The following PTPRD variants were observed in gnomAD, a reference collection of about 807,000 sequenced individuals.
The protein encoded by PTPRD is protein tyrosine phosphatase receptor type D.
A neutral mutation model predicts 214.5 loss-of-function variants in PTPRD; 34 were observed. The observed-to-expected ratio is 0.16, with a 90% confidence interval of 0.12 to 0.21. The LOEUF is 0.21. Ranked by LOEUF, PTPRD falls within the 10% of genes least tolerant of loss-of-function variation. The probability of loss-of-function intolerance (pLI) is 1.00; values close to 1 mark genes in which losing one functional copy is unlikely to be tolerated. For synonymous variants in PTPRD, 1,128 were observed against 845.7 expected (o/e 1.33, Z -5.79); for missense variants, 2,545 against 2,398.7 (o/e 1.06, Z -1.27).
At chr9:8,701,114 T>C (rs1287956739) in intron 12 of PTPRD, among the ~76,000 whole-genome samples, 1 of 151,734 alleles carries the variant, frequency 6.6e-6, no homozygotes, top group African/African-American at 2.4e-5. Context: ...TGAGCCAAGA[T>C]CATGCCACTG....
intron 8 of PTPRD, among the ~76,000 whole-genome samples, chr9:9,421,274 T>C (rs1392502409): frequency 7.1e-6 from 1 of 141,196 alleles, no homozygotes; most frequent in Non-Finnish European, 1.5e-5. Context: ...GTAATAGTAC[T>C]GTCTTTGTGA....
chr9:10,184,681 A>G (rs1257120875), intron 3 of PTPRD, among the ~76,000 whole-genome samples: 4 of 152,172 alleles, frequency 2.6e-5, no homozygotes, highest in South Asian at 2.1e-4. Context: ...TCCTTCCCCC[A>G]GTTTCTTTGC....
chr9:8,933,578 T>G (rs926019868), intron 11 of PTPRD, among the ~76,000 whole-genome samples: 1 of 152,028 alleles, frequency 6.6e-6, no homozygotes. Context: ...TTCAGTGAGC[T>G]AATGGATACT....
At chr9:8,691,442 C>G (rs1217291350) in intron 12 of PTPRD, among the ~76,000 whole-genome samples, 1 of 150,654 alleles carries the variant, frequency 6.6e-6, no homozygotes, top group Non-Finnish European at 1.5e-5. Flanking sequence ...ATAGTAATGT[C>G]TGTTTTGAAC....
At chr9:8,429,844 C>T (rs758962612) in intron 35 of PTPRD, among the ~76,000 whole-genome samples, 14 of 152,324 alleles carry the variant, frequency 9.2e-5, no homozygotes, top group East Asian at 7.7e-4. Flanking sequence ...CTGTGAACCA[C>T]AGAGTTTCTT....
chr9:9,907,186 A>T (rs185968050), intron 5 of PTPRD, among the ~76,000 whole-genome samples: 7 of 138,420 alleles, frequency 5.1e-5, no homozygotes, highest in Non-Finnish European at 9.5e-5. Context: ...GCGGTGGCAA[A>T]CACAGTCTAA....
At chr9:9,568,991 A>G (rs990242623) in intron 8 of PTPRD, among the ~76,000 whole-genome samples, 5 of 151,864 alleles carry the variant, frequency 3.3e-5, no homozygotes, top group African/African-American at 1.2e-4. Context: ...TGTGAATAAA[A>G]GAGAGAAAAA....
intron 7 of PTPRD, among the ~76,000 whole-genome samples, chr9:9,677,877 G>C (rs1316781464): frequency 6.6e-6 from 1 of 152,020 alleles, no homozygotes; most frequent in Non-Finnish European, 1.5e-5. Context: ...AAAGTCTCAG[G>C]ATACAAAATC....
intron 44 of PTPRD, among the ~76,000 whole-genome samples, chr9:8,329,210 T>A (rs1335139877): frequency 6.6e-6 from 1 of 152,096 alleles, no homozygotes; most frequent in East Asian, 1.9e-4. Flanking sequence ...TCAGATGGGG[T>A]CTCTGGGTGG....
intron 34 of PTPRD, among the ~76,000 whole-genome samples, chr9:8,440,397 G>A (rs750857792): frequency 6.6e-6 from 1 of 151,740 alleles, no homozygotes; most frequent in African/African-American, 2.4e-5. Flanking sequence ...CTCACTGTAA[G>A]CTCTACCTCC....
intron 2 of PTPRD, among the ~76,000 whole-genome samples, chr9:10,492,598 A>G (rs1478763045): frequency 2.6e-5 from 4 of 152,042 alleles, no homozygotes; most frequent in African/African-American, 4.8e-5. Flanking sequence ...CATTCCTTGT[A>G]GATTCTGGAT....
rs1250382944 is a variant in PTPRD, at chr9:8,528,579, A to T, written c.541+12T>A. On this transcript the variant is annotated intron_variant, in intron 15 of 45. Coordinates refer to ENST00000381196, the MANE Select transcript of PTPRD (RefSeq NM_002839.4). ...TCTCTAGGAGTTAGTAGAAACAGTA[A>T]CAAGACCCTACCTGATCGTAACTGC... The T allele has an allele frequency of 2.5e-6, 4 of 1,612,610 alleles. No homozygotes were observed. Among genetic ancestry groups the T allele is most frequent in the Non-Finnish European group, 3.4e-6 (4 of 1,179,188 alleles).
chr9:9,544,169 A>G (rs2078223210), intron 8 of PTPRD, among the ~76,000 whole-genome samples: 1 of 151,772 alleles, frequency 6.6e-6, no homozygotes, highest in East Asian at 1.9e-4. Context: ...TATTTTCTAT[A>G]AAACAGTACT....
At chr9:9,212,372 T>A (rs2099949337) in intron 9 of PTPRD, among the ~76,000 whole-genome samples, 1 of 152,148 alleles carries the variant, frequency 6.6e-6, no homozygotes, top group African/African-American at 2.4e-5. Context: ...CTGAAACAGT[T>A]CTTTTAAGCT....
intron 32 of PTPRD, among the ~76,000 whole-genome samples, chr9:8,464,970 G>C (rs1403031177): frequency 6.6e-6 from 1 of 151,828 alleles, no homozygotes; most frequent in East Asian, 1.9e-4. Flanking sequence ...GTCTCACTTG[G>C]CAGATATAGG....
At chr9:8,970,917 A>AAACAACAACAAC in intron 11 of PTPRD, among the ~76,000 whole-genome samples, 1 of 149,692 alleles carries the variant, frequency 6.7e-6, no homozygotes, top group Admixed American at 6.7e-5. Context: ...AAACAAAACA[A>AAACAACAACAAC]AACAACAACA....
chr9:8,990,277 C>T (rs2099361237), intron 11 of PTPRD, among the ~76,000 whole-genome samples: 1 of 152,094 alleles, frequency 6.6e-6, no homozygotes, highest in African/African-American at 2.4e-5. Context: ...TAGAAATAGC[C>T]ATTGTTAAAT....
chr9:9,826,528 A>T (rs2052911917), intron 5 of PTPRD, among the ~76,000 whole-genome samples: 1 of 151,970 alleles, frequency 6.6e-6, no homozygotes, highest in Non-Finnish European at 1.5e-5. Flanking sequence ...AATTTATCAA[A>T]AAATAGAGAC....
intron 11 of PTPRD, among the ~76,000 whole-genome samples, chr9:8,988,701 A>C (rs536342106): frequency 2.6e-5 from 4 of 152,004 alleles, no homozygotes; most frequent in Non-Finnish European, 5.9e-5. Flanking sequence ...CCTTCAACAC[A>C]TTGTTTTATG....
Sources: gnomAD v4.1 joint callset for allele counts (sites outside exome capture counted in the v4.1 genomes callset) on GRCh38, gnomAD v4.1.1 for gene constraint, MANE v1.5 for transcripts, NCBI Gene and HGNC (gene_info 2026-07-23, HGNC 2026-07-21) for gene names.